Variants in DYNLT1 observed in about 807,000 individuals in gnomAD.
The protein encoded by DYNLT1 is T-complex testis-specific protein 1 homolog.
Under a neutral mutation model 19.6 loss-of-function variants are expected in DYNLT1, and 18 were observed. That is an observed-to-expected ratio of 0.92 (90% CI 0.64 to 1.36). DYNLT1 has a LOEUF of 1.36. Among genes scored for constraint, DYNLT1 ranks in the 40% most tolerant of loss-of-function variants. DYNLT1 has a pLI of 0.00. For synonymous variants in DYNLT1, 56 were observed against 44.0 expected, an observed-to-expected ratio of 1.27 and a Z score of -1.07; for missense variants, 137 against 139.3, an observed-to-expected ratio of 0.98 and a Z score of 0.08.
Position 158,636,699 on chromosome 6 carries a change from T to G in DYNLT1, c.*128A>C. 8.6e-7 allele frequency: 1 copy of G among 1,156,084 alleles called. No homozygotes were observed. Among genetic ancestry groups the G allele is most frequent in the South Asian group, 1.5e-5 (1 of 67,102 alleles). 71.6% of individuals were successfully genotyped at this position (1,156,084 alleles called of 1,614,324 possible). ...TTCACATCACAGTGCGGTCATTTGGTTTTTTCCTCTACATTGTGAAAGTGC... is the reference window on the plus strand; with the variant it reads ...TTCACATCACAGTGCGGTCATTTGGGTTTTTCCTCTACATTGTGAAAGTGC... On this transcript the variant is annotated 3_prime_UTR_variant, in exon 5 of 5. Transcript: ENST00000367089.
chr6:158,637,281 G>A (rs1384726364), intron 3 of DYNLT1, 76 bp from the exon 4 acceptor site: 4 of 1,346,130 alleles, frequency 3.0e-6, no homozygotes, highest in Non-Finnish European at 4.2e-6. Flanking sequence ...TTTAGCAAAC[G>A]TACAATGTAT....
chr6:158,643,244 AATATT>A lies in DYNLT1; in HGVS notation c.27+1433_27+1437del, dbSNP rs1325924918. Among the ~76,000 whole-genome samples the A allele has an allele frequency of 3.3e-5, 5 of 152,270 alleles. No individual in the cohort carries two copies. In the East Asian group the frequency reaches 9.6e-4, roughly 29 times the overall value. ...ATTACTGTAATACAAGACATTTTCC[AATATT>A]ATATTAGTAACAGTTTAAGGGGAAA... On this transcript the variant is annotated intron_variant, in intron 1 of 4. Coordinates refer to ENST00000367089, the MANE Select transcript of DYNLT1 (RefSeq NM_006519.4).
rs1398625250 is a variant in DYNLT1 at position 158,637,900 on chromosome 6, A to G, written c.70-6T>C. 1.2e-6 allele frequency: 2 copies of G among 1,601,498 alleles called. No homozygotes were observed. The highest frequency in any genetic ancestry group is 1.3e-5 in the African/African-American group (1 of 74,936). On this transcript the variant is annotated splice_polypyrimidine_tract_variant and splice_region_variant and intron_variant, in intron 2 of 4. Coordinates refer to ENST00000367089, the MANE Select transcript of DYNLT1 (RefSeq NM_006519.4). ...CCAATTGCGCTTTCTATAGCCTAGA[A>G]AACAAAGCACAAAGCGCGTCCCGGT...
In DYNLT1 at chr6:158,638,497, TCA is replaced by T. The variant is rs1365648675; in HGVS notation, c.70-605_70-604del. ...TGGAGAGCAGTGATGGAATCTTGGC[TCA>T]CTGCAGCCTTGACCTCCTGGGCTCA... On this transcript the variant is annotated intron_variant, in intron 2 of 4. Coordinates refer to ENST00000367089, the MANE Select transcript of DYNLT1 (RefSeq NM_006519.4). Among the ~76,000 whole-genome samples the T allele has an allele frequency of 1.5e-4, 23 of 152,148 alleles. No homozygotes were observed. In the East Asian group the frequency reaches 2.7e-3, roughly 18 times the overall value.
chr6:158,640,962 C>A lies in DYNLT1; in HGVS notation c.69+357G>T, dbSNP rs144220227. On this transcript the variant is annotated intron_variant, in intron 2 of 4. Coordinates refer to ENST00000367089, the MANE Select transcript of DYNLT1 (RefSeq NM_006519.4). Reference sequence around the variant, plus strand: ...TAGGCCCCAAACTGGATCACTAGGTCCAGAATAACTGGAAATTGATTGTTC... The same window carrying A: ...TAGGCCCCAAACTGGATCACTAGGTACAGAATAACTGGAAATTGATTGTTC... 4.1e-3 allele frequency among the ~76,000 whole-genome samples: 627 copies of A among 152,274 alleles called. 3 individuals carry two copies. Among genetic ancestry groups the A allele is most frequent in the Middle Eastern group, 0.017 (5 of 294 alleles).
intron 1 of DYNLT1, chr6:158,642,288 T>G (rs1306508263): frequency 6.6e-6 from 1 of 152,220 alleles, no homozygotes; most frequent in Non-Finnish European, 1.5e-5. Context: ...GAGTATAGTT[T>G]TCCTTTTACA....
At position 158,637,903 on chromosome 6, in the gene DYNLT1, C is replaced by T. The variant is rs1554232407; in HGVS notation, c.70-9G>A. 6.2e-7 allele frequency: 1 copy of T among 1,600,730 alleles called. No individual in the cohort carries two copies. Among genetic ancestry groups the T allele is most frequent in the Admixed American group, 1.7e-5 (1 of 60,020 alleles). Reference sequence around the variant, plus strand: ...ATTGCGCTTTCTATAGCCTAGAAAACAAAGCACAAAGCGCGTCCCGGTTAA... The same window carrying T: ...ATTGCGCTTTCTATAGCCTAGAAAATAAAGCACAAAGCGCGTCCCGGTTAA... On this transcript the variant is annotated splice_polypyrimidine_tract_variant and intron_variant, in intron 2 of 4. Transcript: ENST00000367089.
At chr6:158,644,583 G>A in intron 1 of DYNLT1, 99 bp downstream of exon 1, 1 of 1,454,848 alleles carries the variant, frequency 6.9e-7, no homozygotes, top group Non-Finnish European at 9.4e-7. Context: ...TGGCCTAGCT[G>A]AAGGAGGTGG....
chr6:158,643,148 G>C (rs1323272638), intron 1 of DYNLT1, among the ~76,000 whole-genome samples: 1 of 152,220 alleles, frequency 6.6e-6, no homozygotes, highest in Non-Finnish European at 1.5e-5. Context: ...ATTTGTGGGA[G>C]TCAGAATCGG....
Position 158,637,896 on chromosome 6 carries a change from T to C in DYNLT1, c.70-2A>G, listed in dbSNP as rs748124506. The stretch of plus-strand genomic sequence containing the variant: ...ACCACCAATTGCGCTTTCTATAGCC[T>C]AGAAAACAAAGCACAAAGCGCGTCC... On this transcript the variant is annotated splice_acceptor_variant, in intron 2 of 4. Coordinates refer to ENST00000367089, the MANE Select transcript of DYNLT1 (RefSeq NM_006519.4). LOFTEE classifies it high-confidence loss of function. 3 of 1,601,968 alleles carry C rather than the reference T, an allele frequency of 1.9e-6. No individual in the cohort carries two copies. The highest frequency in any genetic ancestry group is 2.5e-6 in the Non-Finnish European group (3 of 1,179,900).
intron 1 of DYNLT1, among the ~76,000 whole-genome samples, chr6:158,644,261 G>T (rs1377200429): frequency 6.6e-6 from 1 of 151,852 alleles, no homozygotes. Flanking sequence ...AAGCCTCGGC[G>T]CTCCCAGCCC....
At chr6:158,638,933 G>GCAT (rs1413576338) in intron 2 of DYNLT1, among the ~76,000 whole-genome samples, 1 of 152,140 alleles carries the variant, frequency 6.6e-6, no homozygotes, top group Admixed American at 6.5e-5. Context: ...CAGTGTGCTT[G>GCAT]CATCTCAGCA....
intron 1 of DYNLT1, chr6:158,642,142 T>C (rs1226415234): frequency 6.6e-6 from 1 of 152,190 alleles, no homozygotes; most frequent in Non-Finnish European, 1.5e-5. Context: ...ATGATTACAT[T>C]ATCTCCAGGT....
chr6:158,641,266 TTTCTC>T (rs1787128408), intron 2 of DYNLT1, 48 bp downstream of exon 2: 1 of 1,491,808 alleles, frequency 6.7e-7, no homozygotes, highest in African/African-American at 1.4e-5. Flanking sequence ...AACACATTAT[TTTCTC>T]TAATATAAGC....
intron 2 of DYNLT1, among the ~76,000 whole-genome samples, chr6:158,638,857 A>G (rs565498366): frequency 6.6e-5 from 10 of 152,152 alleles, no homozygotes; most frequent in Non-Finnish European, 1.3e-4. Context: ...TAAGCTTATC[A>G]TTATGATATT....
At chr6:158,638,009 T>C (rs1156249224) in intron 2 of DYNLT1, 115 bp from the exon 3 acceptor site, 1 of 1,488,394 alleles carries the variant, frequency 6.7e-7, no homozygotes, top group Non-Finnish European at 9.0e-7. Context: ...TTTTTAATCA[T>C]GAGGGTGCCT....
intron 2 of DYNLT1, 113 bp from the exon 3 acceptor site, chr6:158,638,007 C>A: frequency 6.7e-7 from 1 of 1,491,988 alleles, no homozygotes. Flanking sequence ...TATTTTTAAT[C>A]ATGAGGGTGC....
intron 1 of DYNLT1, 93 bp from the exon 2 acceptor site, chr6:158,641,453 G>T: frequency 8.9e-7 from 1 of 1,122,266 alleles, no homozygotes; most frequent in Non-Finnish European, 1.3e-6. Context: ...ACATAATGTA[G>T]AAATGAAGAC....
chr6:158,644,568 G>C, intron 1 of DYNLT1, 114 bp downstream of exon 1: 1 of 1,309,532 alleles, frequency 7.6e-7, no homozygotes. Context: ...GTGGGCTGCC[G>C]AGACTGGCCT....
Sources: gnomAD v4.1 joint callset for allele counts (sites outside exome capture counted in the v4.1 genomes callset) on GRCh38, gnomAD v4.1.1 for gene constraint, MANE v1.5 for transcripts, NCBI Gene and HGNC (gene_info 2026-07-23, HGNC 2026-07-21) for gene names.